PCDHGB3: variants seen among roughly 807,000 people sequenced by gnomAD.
PCDHGB3 encodes protocadherin gamma subfamily B, 3.
A neutral mutation model predicts 59.2 loss-of-function variants in PCDHGB3; 40 were observed. The observed-to-expected ratio is 0.68, with a 90% CI of 0.52 to 0.88. The LOEUF is 0.88. Ranked by LOEUF, PCDHGB3 falls within the 40% of genes least tolerant of loss-of-function variation. The pLI is 0.00. For missense variants in PCDHGB3, 1,309 were observed against 1,187.9 expected (o/e 1.10, Z -1.50); for synonymous variants, 581 against 503.6 (o/e 1.15, Z -2.06).
chr5:141,414,116 A>C (rs760214999), intron 1 of PCDHGB3: 2 of 1,592,434 alleles, frequency 1.3e-6, no homozygotes, highest in Non-Finnish European at 1.7e-6. Context: ...CTAGATTATG[A>C]AGAAACCGGT....
At chr5:141,433,215 T>A (rs755571112) in intron 1 of PCDHGB3, 1 of 1,568,720 alleles carries the variant, frequency 6.4e-7, no homozygotes, top group South Asian at 1.2e-5. Flanking sequence ...TTTCTTTTTT[T>A]TTTTTAATTG....
At position 141,384,817 on chromosome 5, in the gene PCDHGB3, C is replaced by A. The variant is rs373370095; in HGVS notation, c.2415+12008C>A. 2.5e-6 allele frequency: 4 copies of A among 1,613,416 alleles called. No homozygotes were observed. The South Asian group carries it at 4.4e-5, about 18-fold the overall frequency. On this transcript the variant is annotated intron_variant, in intron 1 of 3. Coordinates refer to ENST00000576222, the MANE Select transcript of PCDHGB3 (RefSeq NM_018924.5). ...CCTGCTGGACAGAGATGCCCTCAAG[C>A]AGAGCCTCGTGGTGGCCGTCCAGGA...
chr5:141,393,720 A>G (rs371093729), intron 1 of PCDHGB3: 2 of 1,613,770 alleles, frequency 1.2e-6, no homozygotes, highest in African/African-American at 1.3e-5. Context: ...GGAAATATCA[A>G]TAGCAAAAAG....
intron 1 of PCDHGB3, among the ~76,000 whole-genome samples, chr5:141,433,690 A>G (rs951380027): frequency 2.0e-5 from 3 of 152,088 alleles, no homozygotes; most frequent in African/African-American, 7.2e-5. Flanking sequence ...ATACAAAATT[A>G]GCCGGGCGTG....
chr5:141,445,361 G>A (rs2098464750), intron 1 of PCDHGB3, among the ~76,000 whole-genome samples: 2 of 152,138 alleles, frequency 1.3e-5, no homozygotes, highest in African/African-American at 4.8e-5. Context: ...GCCCAAGTCT[G>A]GTCCTGGGTG....
At chr5:141,508,029 A>C (rs941166006) in intron 3 of PCDHGB3, 10 of 152,264 alleles carry the variant, frequency 6.6e-5, no homozygotes, top group African/African-American at 2.4e-4. Flanking sequence ...TGCGGTTTGC[A>C]GCTCAGCCAG....
At position 141,419,294 on chromosome 5, in the gene PCDHGB3, C is replaced by T. The variant is rs770303087; in HGVS notation, c.2415+46485C>T. ...CATAGCGCAAGTCAGTGCCTCTGAC[C>T]CAGACTTCGGGCTCAACGGCCGTGT... On this transcript the variant is annotated intron_variant, in intron 1 of 3. Transcript: ENST00000576222. The T allele has an allele frequency of 1.9e-6, 3 of 1,614,036 alleles. No homozygotes were observed. Among genetic ancestry groups the T allele is most frequent in the East Asian group, 2.2e-5 (1 of 44,886 alleles).
Position 141,476,017 on chromosome 5 carries a change from G to C in PCDHGB3, c.2416-18790G>C. The C allele has an allele frequency of 1.5e-6, 2 of 1,369,942 alleles. No individual in the cohort carries two copies. The highest frequency in any genetic ancestry group is 2.0e-6 in the Non-Finnish European group (2 of 1,015,658). The allele number at this position is 1,369,942 out of a possible 1,614,324, so 84.9% of individuals were successfully genotyped here. A position where few individuals can be genotyped will look rare whatever the true frequency, so the allele number is the denominator to read the frequency against. On this transcript the variant is annotated intron_variant, in intron 1 of 3. Coordinates refer to ENST00000576222, the MANE Select transcript of PCDHGB3 (RefSeq NM_018924.5). This position sits in a 1 kb window ranked among gnomAD's most constrained non-coding sequence, Gnocchi z 7.6. ...CAACGGCATCCAGAAAGCCATGTCG[G>C]ACTCGGCGCCCAGCGCCCAAGCGCT...
At chr5:141,375,095 T>G in intron 1 of PCDHGB3, 1 of 1,613,960 alleles carries the variant, frequency 6.2e-7, no homozygotes. Flanking sequence ...AATAACTATC[T>G]TGGATGTCAA....
Position 141,458,000 on chromosome 5 carries a change from A to G in PCDHGB3, c.2416-36807A>G, listed in dbSNP as rs1047291886. ...CACCCTTTCAGTTAAAGCCTTGGCA[A>G]AATAACCGGTTTTTCCAATTGTGTT... On this transcript the variant is annotated intron_variant, in intron 1 of 3. Coordinates refer to ENST00000576222, the MANE Select transcript of PCDHGB3 (RefSeq NM_018924.5). Among the ~76,000 whole-genome samples, 4 of 152,214 alleles carry G rather than the reference A, an allele frequency of 2.6e-5. No homozygotes were observed. In the East Asian group the frequency reaches 5.8e-4, roughly 22 times the overall value.
intron 1 of PCDHGB3, chr5:141,433,169 C>T: frequency 6.2e-7 from 1 of 1,613,000 alleles, no homozygotes; most frequent in Non-Finnish European, 8.5e-7. Context: ...TAAAGACAGT[C>T]ATGGGTTAAT....
intron 1 of PCDHGB3, chr5:141,389,148 G>A (rs749167212): frequency 6.2e-7 from 1 of 1,613,996 alleles, no homozygotes. Context: ...AACCGTTACG[G>A]CAACAGATCG....
Position 141,384,300 on chromosome 5 carries a change from AG to A in PCDHGB3, c.2415+11495del, listed in dbSNP as rs751826409. The A allele has an allele frequency of 3.1e-6, 5 of 1,613,658 alleles. No homozygotes were observed. In the Admixed American group the frequency reaches 8.3e-5, roughly 27 times the overall value. On this transcript the variant is annotated intron_variant, in intron 1 of 3. Transcript: ENST00000576222. ...TCTACATCGCTGAGAACAACCCCAG[AG>A]GGGCCTCCATTTTCTTAGTGACTGC...
At chr5:141,509,599 A>G (rs964564148) in intron 3 of PCDHGB3, among the ~76,000 whole-genome samples, 6 of 152,158 alleles carry the variant, frequency 3.9e-5, no homozygotes, top group African/African-American at 1.4e-4. Context: ...CAATTCCGAG[A>G]GGCTGCATTC....
intron 1 of PCDHGB3, among the ~76,000 whole-genome samples, chr5:141,444,735 C>A (rs924159168): frequency 1.3e-5 from 2 of 152,116 alleles, no homozygotes; most frequent in Admixed American, 1.3e-4. Context: ...TGTTGAAAGT[C>A]ATTTCACTGA....
intron 1 of PCDHGB3, chr5:141,421,777 CG>C (rs760013586): frequency 1.2e-6 from 2 of 1,613,804 alleles, no homozygotes; most frequent in Admixed American, 3.3e-5. Flanking sequence ...CTTGCAACTG[CG>C]GGGCAGAACG....
chr5:141,417,800 C>T, intron 1 of PCDHGB3: 1 of 1,489,386 alleles, frequency 6.7e-7, no homozygotes. Context: ...TCTTTTAGCG[C>T]GGTAGAGTGC....
chr5:141,404,291 G>C, intron 1 of PCDHGB3: 1 of 1,613,956 alleles, frequency 6.2e-7, no homozygotes, highest in Non-Finnish European at 8.5e-7. Context: ...TGACATCAAT[G>C]ATAATCCACC....
At position 141,399,851 on chromosome 5, in the gene PCDHGB3, C is replaced by G. The variant is rs971471583; in HGVS notation, c.2415+27042C>G. 7 of 1,612,832 alleles carry G rather than the reference C, an allele frequency of 4.3e-6. No individual in the cohort carries two copies. In the African/African-American group the frequency reaches 6.7e-5, roughly 15 times the overall value. Reference sequence around the variant, plus strand: ...GGCTCTGCGCTCTTCGATATGGTGCCGCGCGCTGCAGAGCCCGGCTACCTG... The same window carrying G: ...GGCTCTGCGCTCTTCGATATGGTGCGGCGCGCTGCAGAGCCCGGCTACCTG... On this transcript the variant is annotated intron_variant, in intron 1 of 3. Coordinates refer to ENST00000576222, the MANE Select transcript of PCDHGB3 (RefSeq NM_018924.5).
Sources: gnomAD v4.1 joint callset for allele counts (sites outside exome capture counted in the v4.1 genomes callset) on GRCh38, gnomAD v4.1.1 for gene constraint, Gnocchi (gnomAD v3.1) non-coding constraint, MANE v1.5 for transcripts, NCBI Gene and HGNC (gene_info 2026-07-23, HGNC 2026-07-21) for gene names.